The following FAM120C variants were observed in gnomAD, a reference collection of about 807,000 sequenced individuals.
The protein encoded by FAM120C is constitutive coactivator of PPAR-gamma-like protein 2.
Under a neutral mutation model 71.2 loss-of-function variants are expected in FAM120C, and 14 were observed. The observed-to-expected ratio is 0.20, with a 90% confidence interval of 0.13 to 0.31. The LOEUF (loss-of-function observed/expected upper bound fraction) is 0.31, where lower values mean the gene tolerates loss of function less well. FAM120C is among the 10% of genes least tolerant of loss of function. The pLI is 1.00. For missense variants in FAM120C, 500 were observed against 879.0 expected (o/e 0.57, Z 5.45); for synonymous variants, 354 against 353.2 (o/e 1.00, Z -0.03).
chrX:54,167,544 G>A (rs1406947910), intron 1 of FAM120C, among the ~76,000 whole-genome samples: 2 of 111,484 alleles, frequency 1.8e-5, no homozygotes, highest in Non-Finnish European at 3.8e-5. Flanking sequence ...CCAGGATGCA[G>A]ACAGCACAAA....
intron 11 of FAM120C, among the ~76,000 whole-genome samples, chrX:54,089,324 A>G (rs1422589951): frequency 8.9e-6 from 1 of 111,836 alleles, no homozygotes; most frequent in African/African-American, 3.2e-5. Context: ...AGAAGACTGG[A>G]AAAAAACCTC....
intron 10 of FAM120C, among the ~76,000 whole-genome samples, chrX:54,111,129 G>A (rs1299141780): frequency 3.6e-5 from 4 of 110,556 alleles, no homozygotes; most frequent in Non-Finnish European, 7.6e-5. Context: ...ACTGAGGCGG[G>A]AGGATCACTT....
intron 9 of FAM120C, among the ~76,000 whole-genome samples, chrX:54,117,961 C>T (rs1234176799): frequency 2.7e-5 from 3 of 111,475 alleles, no homozygotes; most frequent in Non-Finnish European, 5.7e-5. Context: ...TGGTGGTTCA[C>T]GCCTGTAATC....
At chrX:54,116,508 G>C (rs782530986) in intron 10 of FAM120C, 37 bp downstream of exon 10, 2 of 1,171,852 alleles carry the variant, frequency 1.7e-6, no homozygotes, top group South Asian at 3.9e-5. Context: ...AAAAGTAAAA[G>C]AGAAAGAACA....
chrX:54,135,554 C>T lies in FAM120C; in HGVS notation c.1309G>A (p.Gly437Ser). 8.3e-7 allele frequency: 1 copy of T among 1,210,442 alleles called. No individual in the cohort carries two copies. The change falls in exon 6 of 16, where the codon GGC becomes AGC. Residue 437 changes from glycine to serine, a missense_variant. Gly to Ser is a moderately conservative substitution (Grantham distance 56). Around this residue, in one of 11 missense-constraint regions of FAM120C, gnomAD observed 55 missense variants for 96.7 expected, o/e 0.57. Transcript: ENST00000375180. ...ATTGGCTTTCCAGCAGAAATGGTGC[C>T]CACTTGATTTCGTGGAAGGGGAGGA... ...GNPPLPRNQVGTISAGKPMFS... is the reference protein window; with the variant it reads ...GNPPLPRNQVSTISAGKPMFS...
At chrX:54,150,476 T>A (rs1424139073) in intron 4 of FAM120C, among the ~76,000 whole-genome samples, 2 of 111,943 alleles carry the variant, frequency 1.8e-5, no homozygotes, top group African/African-American at 6.5e-5. Flanking sequence ...TGTACATTTT[T>A]AAAAATTTAT....
chrX:54,084,714 CAAAAA>C (rs140242950), intron 13 of FAM120C, among the ~76,000 whole-genome samples: 2 of 92,360 alleles, frequency 2.2e-5, no homozygotes. Flanking sequence ...GACCAGGCCT[CAAAAA>C]AAAAAAAAAA....
intron 10 of FAM120C, among the ~76,000 whole-genome samples, chrX:54,093,597 A>G (rs140222062): frequency 1.8e-5 from 2 of 112,227 alleles, no homozygotes; most frequent in Non-Finnish European, 3.8e-5. Flanking sequence ...ATGTCAGGAC[A>G]TTTATAAGGA....
At chrX:54,089,253 GA>G (rs1265930980) in intron 11 of FAM120C, among the ~76,000 whole-genome samples, 2 of 110,948 alleles carry the variant, frequency 1.8e-5, no homozygotes, top group Admixed American at 9.7e-5. Flanking sequence ...ATGTGAAATG[GA>G]AAAAAACTAC....
chrX:54,087,420 A>T (rs1029830620), intron 12 of FAM120C, among the ~76,000 whole-genome samples: 4 of 111,441 alleles, frequency 3.6e-5, no homozygotes, highest in Admixed American at 2.9e-4. Flanking sequence ...CAAAAGAGAC[A>T]GACAGTTTTT....
intron 9 of FAM120C, among the ~76,000 whole-genome samples, chrX:54,130,448 T>C (rs1281122239): frequency 8.9e-6 from 1 of 112,052 alleles, no homozygotes; most frequent in African/African-American, 3.2e-5. Flanking sequence ...GTTATCTTTC[T>C]GGTTCTAGGT....
chrX:54,115,309 T>C (rs2066962339), intron 10 of FAM120C, among the ~76,000 whole-genome samples: 1 of 111,775 alleles, frequency 8.9e-6, no homozygotes, highest in South Asian at 3.7e-4. Context: ...AAAGAAGCAC[T>C]TCAGAGAATG....
At chrX:54,085,613 A>T in intron 13 of FAM120C, 102 bp downstream of exon 13, 1 of 741,534 alleles carries the variant, frequency 1.3e-6, no homozygotes, top group Non-Finnish European at 1.9e-6. Flanking sequence ...CAATGAGATG[A>T]GATATATGTG....
At chrX:54,145,261 G>A (rs782257591) in intron 4 of FAM120C, among the ~76,000 whole-genome samples, 167 of 111,915 alleles carry the variant, frequency 1.5e-3, no homozygotes, top group African/African-American at 5.1e-3. Flanking sequence ...CATGGGCAAG[G>A]ACTTCATGAC....
At chrX:54,132,630 T>C in intron 9 of FAM120C, 62 bp downstream of exon 9, 1 of 1,001,480 alleles carries the variant, frequency 1.0e-6, no homozygotes, top group Admixed American at 3.3e-5. Context: ...CCAATGTGCC[T>C]GGACAGACAT....
At chrX:54,115,137 T>C (rs1365123227) in intron 10 of FAM120C, among the ~76,000 whole-genome samples, 1 of 111,920 alleles carries the variant, frequency 8.9e-6, no homozygotes. Flanking sequence ...TTTAAACAAA[T>C]TGTGACTGAT....
rs2066703241 is a variant in FAM120C, at chrX:54,070,086, C to T, written c.*2947G>A. ...TGAAGCAAAGATCAGACCCCACCTT[C>T]CACAATTTGTCCTCCAATTAGAAAA... On this transcript the variant is annotated 3_prime_UTR_variant, in exon 16 of 16. Coordinates refer to ENST00000375180, the MANE Select transcript of FAM120C (RefSeq NM_017848.6). The T allele has an allele frequency of 8.9e-6, 1 of 111,973 alleles. No individual in the cohort carries two copies. Among genetic ancestry groups the T allele is most frequent in the Admixed American group, 9.5e-5 (1 of 10,497 alleles). 9.2% of individuals were successfully genotyped at this position (111,973 alleles called of 1,213,427 possible). A position where few individuals can be genotyped will look rare whatever the true frequency, so the allele number is the denominator to read the frequency against.
At position 54,182,812 on chromosome X, in the gene FAM120C, G is replaced by C; in HGVS notation, c.387C>G (p.Leu129=). ...LVDAGSALPR[L]YGGYQTDWVC... is the part of the protein sequence containing the mutation. ...CCCAATCCGTCTGGTAGCCGCCATA[G>C]AGCCGCGGCAGCGCCGAGCCGGCGT... Residue 129 remains leucine, a synonymous_variant, in exon 1 of 16, where the codon CTC becomes CTG. Coordinates refer to ENST00000375180, the MANE Select transcript of FAM120C (RefSeq NM_017848.6). 8.3e-7 allele frequency: 1 copy of C among 1,199,669 alleles called. No individual in the cohort carries two copies. The highest frequency in any genetic ancestry group is 1.1e-6 in the Non-Finnish European group (1 of 889,772).
chrX:54,119,773 G>C, intron 9 of FAM120C, among the ~76,000 whole-genome samples: 1 of 52,974 alleles, frequency 1.9e-5, no homozygotes, highest in Non-Finnish European at 3.3e-5. Flanking sequence ...TGGTGTTTTG[G>C]ACATGAAGTA....
Sources: allele counts gnomAD v4.1 joint callset (sites outside exome capture counted in the v4.1 genomes callset), GRCh38; gene constraint gnomAD v4.1.1; regional missense constraint gnomAD v4.1.1; transcripts MANE v1.5; gene names NCBI Gene and HGNC (gene_info 2026-07-23, HGNC 2026-07-21).